Variants in JCAD observed in about 807,000 individuals in gnomAD.
JCAD encodes the protein junctional cadherin 5 associated, also known as junctional cadherin 5-associated protein.
JCAD carries 40 observed loss-of-function variants against 98.0 expected under a neutral mutation model. The observed-to-expected ratio is 0.41, with a 90% CI of 0.32 to 0.53. JCAD has a LOEUF of 0.53. Ranked by LOEUF, JCAD falls within the 20% of genes least tolerant of loss-of-function variation. JCAD has a pLI of 0.31. For missense variants in JCAD, 1,705 were observed against 1,738.1 expected (o/e 0.98, Z 0.34); for synonymous variants, 691 against 682.3 (o/e 1.01, Z -0.20).
Position 30,028,811 on chromosome 10 carries a change from A to G in JCAD, c.1337T>C (p.Ile446Thr). 5 of 1,614,190 alleles carry G rather than the reference A, an allele frequency of 3.1e-6. No homozygotes were observed. The South Asian group carries it at 4.4e-5, about 14-fold the overall frequency. ...GTTATATGATTTATCGTCAAGCTTTATGTCTTCACAGAAACCCTGGGGCTG... is the reference window on the plus strand; with the variant it reads ...GTTATATGATTTATCGTCAAGCTTTGTGTCTTCACAGAAACCCTGGGGCTG... ...LAQPQGFCED[I>T]KLDDKSYNSS... Residue 446 changes from isoleucine to threonine, a missense_variant, in exon 3 of 4, where the codon ATA becomes ACA. Transcript: ENST00000375377.
At chr10:30,039,368 A>G (rs1837193698) in intron 2 of JCAD, among the ~76,000 whole-genome samples, 5 of 152,214 alleles carry the variant, frequency 3.3e-5, no homozygotes, top group African/African-American at 4.8e-5. Context: ...GTTCCCTCCC[A>G]CAACGTGAGG....
intron 1 of JCAD, among the ~76,000 whole-genome samples, chr10:30,048,119 C>G (rs766864980): frequency 2.0e-5 from 3 of 152,184 alleles, no homozygotes; most frequent in Non-Finnish European, 4.4e-5. Flanking sequence ...CCTTCGATGG[C>G]TGCCTCTGGT....
chr10:30,028,508 TGTGA>T lies in JCAD; in HGVS notation c.1636_1639del (p.Ser546ArgfsTer29). The T allele has an allele frequency of 6.2e-7, 1 of 1,614,258 alleles. No homozygotes were observed. Among genetic ancestry groups the T allele is most frequent in the Non-Finnish European group, 8.5e-7 (1 of 1,180,048 alleles). On this transcript the variant is annotated frameshift_variant, in exon 3 of 4. Coordinates refer to ENST00000375377, the MANE Select transcript of JCAD (RefSeq NM_020848.4). LOFTEE classifies it high-confidence loss of function. ...TTGAGTTTCGCAGGTGCTCTCGCCC[TGTGA>T]GTAAGGGGAGGAAACTTGTCTTCCA...
At position 30,111,852 on chromosome 10, in the gene JCAD, G is replaced by C. The variant is rs1043480628; in HGVS notation, n.128+3515C>G. ...GTGGAGAAATTGGAACCTTCCTACA[G>C]TGCTGGTGGGAATGTGAAATAGTGC... On this transcript the variant is annotated intron_variant and non_coding_transcript_variant, in intron 1 of 2. Transcript: ENST00000465712. Among the ~76,000 whole-genome samples, 24 of 152,308 alleles carry C rather than the reference G, an allele frequency of 1.6e-4. No homozygotes were observed. In the South Asian group the frequency reaches 4.8e-3, roughly 30 times the overall value.
chr10:30,085,616 C>T (rs753069075), intron 1 of JCAD, among the ~76,000 whole-genome samples: 6 of 151,978 alleles, frequency 3.9e-5, no homozygotes, highest in Non-Finnish European at 8.8e-5. Flanking sequence ...GCCAAAAAAG[C>T]GAGAATTGGT....
chr10:30,019,105 C>T (rs1298045915), intron 3 of JCAD, among the ~76,000 whole-genome samples: 1 of 152,066 alleles, frequency 6.6e-6, no homozygotes, highest in African/African-American at 2.4e-5. Context: ...GCTGTAATCC[C>T]AGCACTTTGG....
chr10:30,054,960 C>G (rs1054791656), intron 1 of JCAD, among the ~76,000 whole-genome samples: 1 of 152,130 alleles, frequency 6.6e-6, no homozygotes, highest in Admixed American at 6.5e-5. Flanking sequence ...TGAGCCACCG[C>G]GCCCGGCCGA....
chr10:30,105,306 A>G (rs1249546132), intron 1 of JCAD, among the ~76,000 whole-genome samples: 3 of 151,998 alleles, frequency 2.0e-5, no homozygotes, highest in Admixed American at 1.3e-4. Flanking sequence ...CAACTGTGAC[A>G]TTCAATCCCT....
chr10:30,019,403 C>T (rs1836611369), intron 3 of JCAD, among the ~76,000 whole-genome samples: 1 of 147,042 alleles, frequency 6.8e-6, no homozygotes, highest in Non-Finnish European at 1.5e-5. Flanking sequence ...TATATACACA[C>T]ACAATGGGAT....
intron 2 of JCAD, among the ~76,000 whole-genome samples, chr10:30,036,998 T>TA (rs751330848): frequency 3.2e-4 from 48 of 152,318 alleles, no homozygotes; most frequent in Admixed American, 1.4e-3. Context: ...CGTCTGTATC[T>TA]AGGCATTGGT....
At chr10:30,112,945 A>C (rs1484139623) in intron 1 of JCAD, among the ~76,000 whole-genome samples, 1 of 151,360 alleles carries the variant, frequency 6.6e-6, no homozygotes, top group Non-Finnish European at 1.5e-5. Flanking sequence ...AAAGAGGATA[A>C]TGGGGCGTGA....
In JCAD at chr10:30,066,116, C is replaced by T. The variant is rs533585731; in HGVS notation, n.250+3584G>A. On this transcript the variant is annotated intron_variant and non_coding_transcript_variant, in intron 2 of 2. Transcript: ENST00000465712. ...TAGTATACAGTGCAAAGACAGTAGCCGTGAACGTCATTGTATGATGATGGA... is the reference window on the plus strand; with the variant it reads ...TAGTATACAGTGCAAAGACAGTAGCTGTGAACGTCATTGTATGATGATGGA... Among the ~76,000 whole-genome samples the T allele has an allele frequency of 3.9e-5, 6 of 152,216 alleles. No homozygotes were observed. In the East Asian group the frequency reaches 5.8e-4, roughly 15 times the overall value.
At position 30,028,436 on chromosome 10, in the gene JCAD, G is replaced by A; in HGVS notation, c.1712C>T (p.Ser571Leu). The A allele has an allele frequency of 6.2e-7, 1 of 1,613,698 alleles. No homozygotes were observed. The highest frequency in any genetic ancestry group is 1.1e-5 in the South Asian group (1 of 91,020). ...FQTGTRTKKSSKKKMNETIFC... is the reference protein window; with the variant it reads ...FQTGTRTKKSLKKKMNETIFC... ...TATAGTCTCGTTCATTTTTTTCTTT[G>A]AACTTTTCTTGGTCCGAGTCCCAGT... The change falls in exon 3 of 4, where the codon TCA becomes TTA. Residue 571 changes from serine to leucine, a missense_variant. Physicochemically the swap from Ser to Leu is moderately radical, Grantham distance 145 (BLOSUM62 -2). Coordinates refer to ENST00000375377, the MANE Select transcript of JCAD (RefSeq NM_020848.4).
At chr10:30,087,382 T>C (rs538631596) in intron 1 of JCAD, among the ~76,000 whole-genome samples, 159 of 152,102 alleles carry the variant, frequency 1.0e-3, no homozygotes, top group African/African-American at 3.7e-3. Flanking sequence ...GAGGTTACAG[T>C]GAGCCGAGAT....
intron 3 of JCAD, among the ~76,000 whole-genome samples, chr10:30,018,765 C>A (rs1435433686): frequency 6.6e-6 from 1 of 152,072 alleles, no homozygotes; most frequent in Non-Finnish European, 1.5e-5. Flanking sequence ...GATTTTCCTG[C>A]CATAGCAGCT....
chr10:30,088,279 T>A (rs923835064), intron 1 of JCAD, among the ~76,000 whole-genome samples: 1 of 152,180 alleles, frequency 6.6e-6, no homozygotes, highest in Non-Finnish European at 1.5e-5. Context: ...AGATAGGTCA[T>A]TAGCATTAGA....
chr10:30,062,896 G>A (rs1837722886), upstream of JCAD, among the ~76,000 whole-genome samples: 1 of 152,168 alleles, frequency 6.6e-6, no homozygotes, highest in Admixed American at 6.5e-5. Flanking sequence ...ATATCAGAGA[G>A]TAAGGTTGAA....
Position 30,027,277 on chromosome 10 carries a change from T to C in JCAD, c.2871A>G (p.Arg957=). 1.2e-6 allele frequency: 2 copies of C among 1,614,154 alleles called. No homozygotes were observed. The highest frequency in any genetic ancestry group is 1.7e-6 in the Non-Finnish European group (2 of 1,180,034). The part of the protein sequence containing the change: ...SADGSTSAEK[R]HLEVSNGMDE... Reference sequence around the variant, plus strand: ...CCATTCCGTTGCTAACCTCCAGGTGTCTCTTCTCTGCACTCGTGCTTCCAT... The same window carrying C: ...CCATTCCGTTGCTAACCTCCAGGTGCCTCTTCTCTGCACTCGTGCTTCCAT... The change falls in exon 3 of 4, where the codon AGA becomes AGG. Residue 957 remains arginine, a synonymous_variant. Coordinates refer to ENST00000375377, the MANE Select transcript of JCAD (RefSeq NM_020848.4).
At chr10:30,105,471 G>C (rs539943936) in intron 1 of JCAD, among the ~76,000 whole-genome samples, 1 of 150,730 alleles carries the variant, frequency 6.6e-6, no homozygotes, top group Non-Finnish European at 1.5e-5. Flanking sequence ...TTACAGACAC[G>C]TGCCACCACA....
Sources: gnomAD v4.1 joint callset for allele counts (sites outside exome capture counted in the v4.1 genomes callset) on GRCh38, gnomAD v4.1.1 for gene constraint, MANE v1.5 for transcripts, NCBI Gene and HGNC (gene_info 2026-07-23, HGNC 2026-07-21) for gene names.